The following ETV6 variants were observed in gnomAD, a reference collection of about 807,000 sequenced individuals.
The protein encoded by ETV6 is transcription factor ETV6.
Under a neutral mutation model 51.1 loss-of-function variants are expected in ETV6, and 16 were observed. The ratio of observed to expected loss-of-function variants is 0.31; its 90% CI spans 0.21 to 0.48. The LOEUF (loss-of-function observed/expected upper bound fraction) is 0.48. Among genes scored for constraint, ETV6 ranks in the 20% least tolerant of loss-of-function variants. The probability of loss-of-function intolerance (pLI) is 0.99; values close to 1 mark genes in which losing one functional copy is unlikely to be tolerated. For missense variants in ETV6, 458 were observed against 594.8 expected (o/e 0.77, Z 2.39); for synonymous variants, 240 against 224.1 (o/e 1.07, Z -0.64).
At chr12:11,850,181 C>A (rs1387458210) in intron 3 of ETV6, among the ~76,000 whole-genome samples, 1 of 152,096 alleles carries the variant, frequency 6.6e-6, no homozygotes, top group African/African-American at 2.4e-5. Flanking sequence ...CTGGCCGAGT[C>A]CACTTGACCC....
At chr12:11,700,701 TG>T in intron 1 of ETV6, among the ~76,000 whole-genome samples, 1 of 152,258 alleles carries the variant, frequency 6.6e-6, no homozygotes, top group African/African-American at 2.4e-5. Flanking sequence ...GTTCATTAAG[TG>T]GAAGTGGAGC....
chr12:11,839,375 C>T lies in ETV6; in HGVS notation c.328+71C>T, dbSNP rs1311423038. The T allele has an allele frequency of 3.5e-6, 5 of 1,432,250 alleles. No homozygotes were observed. The African/African-American group carries it at 7.1e-5, about 20-fold the overall frequency. 88.7% of individuals were successfully genotyped at this position (1,432,250 alleles called of 1,614,324 possible). A position where few individuals can be genotyped will look rare whatever the true frequency, so the allele number is the denominator to read the frequency against. On this transcript the variant is annotated intron_variant, in intron 3 of 7. Coordinates refer to ENST00000396373, the MANE Select transcript of ETV6 (RefSeq NM_001987.5). ...TAGTTAGTGGTTGGTCTTTAACACCCCTCACCCGGCCCAAGAAATCCCAAC... is the reference window on the plus strand; with the variant it reads ...TAGTTAGTGGTTGGTCTTTAACACCTCTCACCCGGCCCAAGAAATCCCAAC...
At chr12:11,813,416 A>G (rs561458067) in intron 2 of ETV6, among the ~76,000 whole-genome samples, 1 of 152,296 alleles carries the variant, frequency 6.6e-6, no homozygotes, top group East Asian at 1.9e-4. Context: ...AGCAGAGGTA[A>G]TGTGGCCACG....
At chr12:11,830,500 A>G (rs981350574) in intron 2 of ETV6, among the ~76,000 whole-genome samples, 8 of 152,246 alleles carry the variant, frequency 5.3e-5, no homozygotes, top group East Asian at 1.9e-4. Context: ...ATGGCATGAC[A>G]TGGATGCGGA....
intron 1 of ETV6, among the ~76,000 whole-genome samples, chr12:11,671,351 G>A (rs574707381): frequency 1.2e-3 from 178 of 152,268 alleles, no homozygotes; most frequent in Admixed American, 4.4e-3. Flanking sequence ...TTCTGACTGA[G>A]AGGCACTTGT....
At chr12:11,836,722 C>T (rs981583667) in intron 2 of ETV6, among the ~76,000 whole-genome samples, 9 of 152,164 alleles carry the variant, frequency 5.9e-5, no homozygotes, top group East Asian at 3.9e-4. Flanking sequence ...TCCGTTGCAG[C>T]GTGTCCTCTG....
intron 4 of ETV6, among the ~76,000 whole-genome samples, chr12:11,854,878 G>C (rs1946607254): frequency 6.6e-6 from 1 of 152,202 alleles, no homozygotes; most frequent in African/African-American, 2.4e-5. Context: ...CTCAGTGGCG[G>C]TGTTTATTTC....
chr12:11,703,938 A>G (rs1488903158), intron 1 of ETV6, among the ~76,000 whole-genome samples: 2 of 152,214 alleles, frequency 1.3e-5, no homozygotes, highest in East Asian at 3.8e-4. Context: ...ATAAATGTAT[A>G]TTTCTAATAT....
chr12:11,747,614 C>T (rs182566712), intron 1 of ETV6, among the ~76,000 whole-genome samples: 1 of 152,258 alleles, frequency 6.6e-6, no homozygotes, highest in East Asian at 1.9e-4. Flanking sequence ...TGCATCTTCT[C>T]TCAAATTCTT....
Position 11,839,232 on chromosome 12 carries a change from A to C in ETV6, c.256A>C (p.Thr86Pro), listed in dbSNP as rs1327523070. 2 of 1,614,252 alleles carry C rather than the reference A, an allele frequency of 1.2e-6. No individual in the cohort carries two copies. The highest frequency in any genetic ancestry group is 2.2e-5 in the South Asian group (2 of 91,090). The change falls in exon 3 of 8, where the codon ACG (threonine) becomes CCG (proline). Residue 86 changes from threonine to proline, a missense_variant. Thr to Pro is a conservative substitution (Grantham distance 38). Transcript: ENST00000396373. The stretch of plus-strand genomic sequence containing the variant: ...TTCTTTAAGGCCAATTGACAGCAAC[A>C]CGTTTGAAATGAATGGCAAAGCTCT... ...EFSLRPIDSN[T>P]FEMNGKALLL...
chr12:11,827,734 C>G (rs1021866138), intron 2 of ETV6, among the ~76,000 whole-genome samples: 7 of 152,178 alleles, frequency 4.6e-5, no homozygotes, highest in African/African-American at 1.7e-4. Flanking sequence ...ACGGACAGAT[C>G]AGGTCCCAGT....
chr12:11,785,358 C>T (rs893536107), intron 2 of ETV6, among the ~76,000 whole-genome samples: 1 of 152,178 alleles, frequency 6.6e-6, no homozygotes, highest in South Asian at 2.1e-4. Context: ...CACCCCTTCA[C>T]TTGTATACCC....
intron 2 of ETV6, among the ~76,000 whole-genome samples, chr12:11,781,998 T>C (rs1216499914): frequency 3.9e-5 from 6 of 152,230 alleles, no homozygotes; most frequent in Non-Finnish European, 7.3e-5. Flanking sequence ...TGTGATTATG[T>C]TTTCTGGCAA....
At chr12:11,777,695 C>T (rs900117959) in intron 2 of ETV6, among the ~76,000 whole-genome samples, 3 of 152,130 alleles carry the variant, frequency 2.0e-5, no homozygotes, top group African/African-American at 4.8e-5. Flanking sequence ...CACATTCTCT[C>T]GCCTCTTTCT....
At chr12:11,744,721 T>A (rs1005387480) in intron 1 of ETV6, among the ~76,000 whole-genome samples, 1 of 152,146 alleles carries the variant, frequency 6.6e-6, no homozygotes, top group Non-Finnish European at 1.5e-5. Flanking sequence ...CAGAATGGTG[T>A]GATTTAAATT....
chr12:11,801,973 C>T (rs1945755853), intron 2 of ETV6, among the ~76,000 whole-genome samples: 1 of 152,228 alleles, frequency 6.6e-6, no homozygotes. Flanking sequence ...CGCCCTCCTG[C>T]CCACATTCCT....
In ETV6 at chr12:11,869,383, A is replaced by T. The variant is rs200679306; in HGVS notation, c.464-41A>T. 1.1e-5 allele frequency: 17 copies of T among 1,562,060 alleles called. No individual in the cohort carries two copies. The African/African-American group carries it at 2.3e-4, about 21-fold the overall frequency. ...CCGCAGGGAGTTTCCTGTCCTGCCA[A>T]CTCACTGGGGTCTGTGATTGTCTTT... On this transcript the variant is annotated intron_variant, in intron 4 of 7. Transcript: ENST00000396373. This position sits in a 1 kb window ranked among gnomAD's most constrained non-coding sequence, Gnocchi z 5.0.
In ETV6 at chr12:11,813,339, C is replaced by A. The variant is rs180993825; in HGVS notation, c.164-25801C>A. ...CTGCCGGCCTTTGGGTGGAAACCTT[C>A]CTGCCTGCAGCACAGGCAGTGTGAA... On this transcript the variant is annotated intron_variant, in intron 2 of 7. Coordinates refer to ENST00000396373, the MANE Select transcript of ETV6 (RefSeq NM_001987.5). 3.9e-4 allele frequency among the ~76,000 whole-genome samples: 59 copies of A among 152,278 alleles called. 1 individual carries two copies. In the East Asian group the frequency reaches 0.01, roughly 26 times the overall value.
intron 1 of ETV6, among the ~76,000 whole-genome samples, chr12:11,722,218 G>A (rs1281981404): frequency 1.3e-5 from 2 of 152,200 alleles, no homozygotes; most frequent in Non-Finnish European, 1.5e-5. Context: ...CTGCTAACAA[G>A]GAGAAAAGTC....
Sources: gnomAD v4.1 joint callset for allele counts (sites outside exome capture counted in the v4.1 genomes callset) on GRCh38, gnomAD v4.1.1 for gene constraint, Gnocchi (gnomAD v3.1) non-coding constraint, MANE v1.5 for transcripts, NCBI Gene and HGNC (gene_info 2026-07-23, HGNC 2026-07-21) for gene names.